NAA60: variants seen among roughly 807,000 people sequenced by gnomAD.
NAA60 encodes N-alpha-acetyltransferase 60, NatF catalytic subunit, also known as N-alpha-acetyltransferase 60.
A neutral mutation model predicts 26.1 loss-of-function variants in NAA60; 8 were observed. The observed-to-expected ratio is 0.31, with a 90% CI of 0.18 to 0.55. The LOEUF (loss-of-function observed/expected upper bound fraction) is 0.55. Among genes scored for constraint, NAA60 ranks in the 20% least tolerant of loss-of-function variants. NAA60 has a pLI of 0.93. For synonymous variants in NAA60, 131 were observed against 122.5 expected (o/e 1.07, Z -0.46); for missense variants, 290 against 311.3 (o/e 0.93, Z 0.51).
intron 4 of NAA60, among the ~76,000 whole-genome samples, chr16:3,479,924 G>GGC (rs2036722043): frequency 6.6e-6 from 1 of 152,150 alleles, no homozygotes. Context: ...TTGTGTTGGC[G>GGC]GCAGTGTCAT....
At chr16:3,452,149 G>A (rs900542564) in intron 2 of NAA60, among the ~76,000 whole-genome samples, 5 of 151,926 alleles carry the variant, frequency 3.3e-5, no homozygotes, top group African/African-American at 4.8e-5. Context: ...GGAGGTTGAC[G>A]CTGCAGTAAG....
intron 2 of NAA60, among the ~76,000 whole-genome samples, chr16:3,463,283 C>T (rs944709833): frequency 6.6e-6 from 1 of 151,888 alleles, no homozygotes; most frequent in African/African-American, 2.4e-5. Context: ...CCCGGTGGCT[C>T]ATGCCTATAA....
chr16:3,443,779 A>T lies in NAA60; in HGVS notation c.-135A>T. Reference sequence around the variant, plus strand: ...CCAGGGGGACGTAATGTTTCCGAGAAGAAGGACAGAAAGAAGACTGGGAGA... The same window carrying T: ...CCAGGGGGACGTAATGTTTCCGAGATGAAGGACAGAAAGAAGACTGGGAGA... On this transcript the variant is annotated 5_prime_UTR_variant, in exon 1 of 8. It adds an upstream start codon to the 5' untranslated region. Coordinates refer to ENST00000407558, the MANE Select transcript of NAA60 (RefSeq NM_001083601.3). The T allele has an allele frequency of 6.5e-7, 1 of 1,534,330 alleles. No individual in the cohort carries two copies. Among genetic ancestry groups the T allele is most frequent in the Non-Finnish European group, 8.7e-7 (1 of 1,146,166 alleles).
At chr16:3,457,875 C>A (rs1421762942) in intron 2 of NAA60, 38 of 718,942 alleles carry the variant, frequency 5.3e-5, no homozygotes, top group Non-Finnish European at 6.0e-5. Flanking sequence ...GCCCCGCATA[C>A]GGGATCCTGG....
intron 2 of NAA60, among the ~76,000 whole-genome samples, chr16:3,466,522 C>G (rs1412150051): frequency 6.6e-6 from 1 of 152,234 alleles, no homozygotes; most frequent in Non-Finnish European, 1.5e-5. Flanking sequence ...AGACAGTGGC[C>G]TGTATCTGTC....
At chr16:3,458,255 G>A (rs1567369091) in intron 2 of NAA60, 2 of 918,934 alleles carry the variant, frequency 2.2e-6, no homozygotes, top group Non-Finnish European at 2.6e-6. Context: ...AGGCGGGGAG[G>A]CCGCGCCGGG....
chr16:3,484,579 C>A, intron 6 of NAA60, 120 bp from the exon 7 acceptor site: 1 of 1,333,982 alleles, frequency 7.5e-7, no homozygotes, highest in Non-Finnish European at 1.0e-6. Context: ...GGGCTCTCAG[C>A]CTCCGAAGCC....
chr16:3,473,251 T>C (rs2036264807), intron 2 of NAA60, among the ~76,000 whole-genome samples: 1 of 152,126 alleles, frequency 6.6e-6, no homozygotes, highest in Non-Finnish European at 1.5e-5. Flanking sequence ...TTCATGCTGC[T>C]GATAAAGACA....
In NAA60 at chr16:3,476,318, G is replaced by A; in HGVS notation, c.91G>A (p.Gly31Ser). ...DDIDTVKHLC[G>S]DWFPIEYPDS... Reference sequence around the variant, plus strand: ...CATAGACACTGTGAAGCACCTGTGTGGCGACTGGTTCCCCATCGAGTAAGT... The same window carrying A: ...CATAGACACTGTGAAGCACCTGTGTAGCGACTGGTTCCCCATCGAGTAAGT... The change falls in exon 3 of 8, where the codon GGC (glycine) becomes AGC (serine). Residue 31 changes from glycine to serine, a missense_variant. Physicochemically the swap from Gly to Ser is moderately conservative, Grantham distance 56. Transcript: ENST00000407558. 1 of 1,613,798 alleles carries A rather than the reference G, an allele frequency of 6.2e-7. No individual in the cohort carries two copies. The highest frequency in any genetic ancestry group is 8.5e-7 in the Non-Finnish European group (1 of 1,179,724).
At chr16:3,484,373 G>A (rs2037040287) in intron 6 of NAA60, among the ~76,000 whole-genome samples, 1 of 152,176 alleles carries the variant, frequency 6.6e-6, no homozygotes, top group South Asian at 2.1e-4. Context: ...CAAAGGTTGA[G>A]AATCTAGGGA....
chr16:3,462,886 A>G (rs1306644274), intron 2 of NAA60, among the ~76,000 whole-genome samples: 1 of 152,214 alleles, frequency 6.6e-6, no homozygotes, highest in Non-Finnish European at 1.5e-5. Context: ...ACTCAAGAAA[A>G]GGAAAATGCC....
intron 2 of NAA60, among the ~76,000 whole-genome samples, chr16:3,458,605 C>T (rs375872173): frequency 6.6e-6 from 1 of 152,218 alleles, no homozygotes; most frequent in East Asian, 1.9e-4. Context: ...GCCCCGCTCT[C>T]GCCTGGCCTG....
intron 1 of NAA60, among the ~76,000 whole-genome samples, chr16:3,445,653 C>T (rs2034522656): frequency 6.6e-6 from 1 of 152,012 alleles, no homozygotes; most frequent in Admixed American, 6.6e-5. Flanking sequence ...GCTCTTTCAC[C>T]AAGAACAAGA....
chr16:3,447,654 A>G, intron 1 of NAA60: 1 of 985,146 alleles, frequency 1.0e-6, no homozygotes, highest in Non-Finnish European at 1.2e-6. Context: ...AACTTCAGCA[A>G]GAGGTTTTCT....
At chr16:3,445,811 T>G (rs1315485445) in intron 1 of NAA60, among the ~76,000 whole-genome samples, 1 of 151,842 alleles carries the variant, frequency 6.6e-6, no homozygotes, top group African/African-American at 2.4e-5. Flanking sequence ...GAGGAAAAAA[T>G]CTTCCCTAGA....
rs144663900 is a variant in NAA60, at chr16:3,449,505, A to G, written c.-7+965A>G. On this transcript the variant is annotated intron_variant, in intron 2 of 7. Transcript: ENST00000407558. ...TGTACTCCAGACTGGGCGACAGAGC[A>G]AGACTCTGTCTCAGAAAAAAAAAGA... Among the ~76,000 whole-genome samples the G allele has an allele frequency of 2.0e-4, 30 of 152,040 alleles. No homozygotes were observed. In the East Asian group the frequency reaches 4.3e-3, roughly 22 times the overall value.
intron 3 of NAA60, among the ~76,000 whole-genome samples, chr16:3,477,672 C>T (rs1402158709): frequency 6.6e-6 from 1 of 150,702 alleles, no homozygotes; most frequent in East Asian, 2.0e-4. Flanking sequence ...CGCAGTGGCT[C>T]ACGCCTGTAA....
intron 2 of NAA60, among the ~76,000 whole-genome samples, chr16:3,466,062 C>A (rs1024339654): frequency 6.6e-6 from 1 of 152,208 alleles, no homozygotes; most frequent in African/African-American, 2.4e-5. Flanking sequence ...CAGCTTCACC[C>A]AGCAGATCCG....
At chr16:3,456,901 T>A (rs2035023361) in intron 2 of NAA60, 1 of 152,156 alleles carries the variant, frequency 6.6e-6, no homozygotes, top group Admixed American at 6.5e-5. Flanking sequence ...ACGATTCTCC[T>A]GCCTCAGCCT....
Sources: allele counts gnomAD v4.1 joint callset (sites outside exome capture counted in the v4.1 genomes callset), GRCh38; gene constraint gnomAD v4.1.1; transcripts MANE v1.5; gene names NCBI Gene and HGNC (gene_info 2026-07-23, HGNC 2026-07-21).